EFCAB6: variants seen among roughly 807,000 people sequenced by gnomAD.
EFCAB6 encodes EF-hand calcium binding domain 6, also known as EF-hand calcium-binding domain-containing protein 6.
EFCAB6 carries 156 observed loss-of-function variants against 169.8 expected under a neutral mutation model. The observed-to-expected ratio is 0.92, with a 90% CI of 0.81 to 1.05. The LOEUF (loss-of-function observed/expected upper bound fraction) is 1.05. EFCAB6 is among the 50% of genes least tolerant of loss of function. The pLI, the probability that EFCAB6 is intolerant of heterozygous loss-of-function variation, is 0.00. For missense variants in EFCAB6, 1,800 were observed against 1,829.1 expected, an observed-to-expected ratio of 0.98 and a Z score of 0.29; for synonymous variants, 698 against 676.4, an observed-to-expected ratio of 1.03 and a Z score of -0.50.
At chr22:43,607,097 G>A (rs924181080) in intron 22 of EFCAB6, among the ~76,000 whole-genome samples, 4 of 152,108 alleles carry the variant, frequency 2.6e-5, no homozygotes, top group South Asian at 2.1e-4. Context: ...CATTGTTCCC[G>A]ACTGCCTGGT....
intron 27 of EFCAB6, among the ~76,000 whole-genome samples, chr22:43,549,538 T>TA (rs1232260972): frequency 6.6e-6 from 1 of 152,032 alleles, no homozygotes; most frequent in Non-Finnish European, 1.5e-5. Context: ...AATTAGCAGT[T>TA]AAAAAAAATC....
chr22:43,543,255 C>G (rs2047851451), intron 27 of EFCAB6, among the ~76,000 whole-genome samples: 1 of 152,186 alleles, frequency 6.6e-6, no homozygotes, highest in South Asian at 2.1e-4. Context: ...GTCAGTTCAT[C>G]TTTGAACAAA....
chr22:43,626,801 T>C, intron 19 of EFCAB6, 122 bp from the exon 20 acceptor site: 1 of 843,778 alleles, frequency 1.2e-6, no homozygotes, highest in Non-Finnish European at 1.9e-6. Flanking sequence ...GGGCCCCAAC[T>C]ATTGCTTTTA....
At chr22:43,751,512 C>T (rs1462213928) in intron 6 of EFCAB6, among the ~76,000 whole-genome samples, 1 of 152,232 alleles carries the variant, frequency 6.6e-6, no homozygotes, top group African/African-American at 2.4e-5. Flanking sequence ...TCTGAGGTCT[C>T]GGGCGCTGCC....
In EFCAB6 at chr22:43,664,039, C is replaced by T. The variant is rs112758304; in HGVS notation, c.1983+3065G>A. Among the ~76,000 whole-genome samples the T allele has an allele frequency of 7.3e-3, 1,107 of 152,310 alleles. 13 individuals are homozygous for T. The highest frequency in any genetic ancestry group is 0.025 in the African/African-American group (1,044 of 41,560). On this transcript the variant is annotated intron_variant, in intron 17 of 31. Coordinates refer to ENST00000262726, the MANE Select transcript of EFCAB6 (RefSeq NM_022785.4). ...TGCCTTCAGGCAGCAGGGAGGTCTC[C>T]AAGAAGCCCGCAGATAGGCAAAAGG...
chr22:43,574,645 CA>C (rs11287560), intron 26 of EFCAB6, among the ~76,000 whole-genome samples: 54,519 of 138,444 alleles, frequency 0.39, 10,511 homozygotes, highest in East Asian at 0.76. Context: ...TTTAAAATGA[CA>C]AAAAAAAAAA....
Position 43,731,762 on chromosome 22 carries a change from C to T in EFCAB6, c.694G>A (p.Val232Met), listed in dbSNP as rs750960915. 12 of 1,603,156 alleles carry T rather than the reference C, an allele frequency of 7.5e-6. No individual in the cohort carries two copies. In the East Asian group the frequency reaches 1.6e-4, roughly 21 times the overall value. The change falls in exon 8 of 32, where the codon GTG becomes ATG. Residue 232 changes from valine (V) to methionine (M), a missense_variant. By Grantham distance (21) the Val-to-Met change is conservative (BLOSUM62 1). Transcript: ENST00000262726. ...IHKDTAVDYN[V>M]FLKNLSINND... ...TTTATGCTGAGATTCTTCAAAAACA[C>T]GTTGTAATCTACTGCAGTATCCTTG...
chr22:43,534,425 A>G (rs1206364634), intron 30 of EFCAB6, among the ~76,000 whole-genome samples: 1 of 152,198 alleles, frequency 6.6e-6, no homozygotes, highest in Non-Finnish European at 1.5e-5. Context: ...TAGTATCTTT[A>G]TAGCAGTGTG....
intron 6 of EFCAB6, among the ~76,000 whole-genome samples, chr22:43,741,737 T>C (rs2060377928): frequency 1.3e-5 from 2 of 152,170 alleles, no homozygotes; most frequent in African/African-American, 4.8e-5. Context: ...GTCCTGCCAC[T>C]GTCCACTCTG....
At chr22:43,697,504 T>C (rs1388605519) in intron 10 of EFCAB6, among the ~76,000 whole-genome samples, 3 of 152,044 alleles carry the variant, frequency 2.0e-5, no homozygotes, top group African/African-American at 4.8e-5. Flanking sequence ...ATGGTAGTTC[T>C]TTTTTTTCCT....
At chr22:43,667,909 G>T (rs1233674865) in intron 16 of EFCAB6, among the ~76,000 whole-genome samples, 1 of 152,076 alleles carries the variant, frequency 6.6e-6, no homozygotes, top group Non-Finnish European at 1.5e-5. Flanking sequence ...CCATATTTTT[G>T]GGGAAAAAAC....
intron 12 of EFCAB6, among the ~76,000 whole-genome samples, chr22:43,681,266 TG>T (rs1344913234): frequency 1.3e-5 from 2 of 152,250 alleles, no homozygotes; most frequent in Non-Finnish European, 2.9e-5. Flanking sequence ...ACATTGATTT[TG>T]GGGGAAGTTA....
chr22:43,785,270 T>C (rs2062034815), intron 2 of EFCAB6, among the ~76,000 whole-genome samples: 2 of 152,114 alleles, frequency 1.3e-5, no homozygotes, highest in Admixed American at 6.6e-5. Context: ...GTATAAACCA[T>C]ATCTTGGACC....
At chr22:43,811,449 A>G (rs572055340) in intron 1 of EFCAB6, among the ~76,000 whole-genome samples, 1 of 152,158 alleles carries the variant, frequency 6.6e-6, no homozygotes, top group African/African-American at 2.4e-5. Flanking sequence ...CAGGGGCAAG[A>G]CATCCTGAAA....
At chr22:43,723,747 T>G (rs1466861722) in intron 8 of EFCAB6, among the ~76,000 whole-genome samples, 2 of 152,220 alleles carry the variant, frequency 1.3e-5, no homozygotes, top group African/African-American at 4.8e-5. Flanking sequence ...TGGGCCCACG[T>G]GAGCCCCAGT....
In EFCAB6 at chr22:43,555,058, C is replaced by A; in HGVS notation, c.3459G>T (p.Pro1153=). ...CTGTGGCCTTGGGAGAGGTAGGCGG[C>A]GGGCCTTTGGGCATTTTCTCAGCCC... is the stretch of plus-strand genomic sequence containing the variant. ...DEWAEKMPKG[P]PPTSPKATAD... The change falls in exon 27 of 32, where the codon CCG becomes CCT. Residue 1153 remains proline (P), a synonymous_variant. Transcript: ENST00000262726. 6.2e-7 allele frequency: 1 copy of A among 1,614,174 alleles called. No homozygotes were observed.
Position 43,590,177 on chromosome 22 carries a change from C to T in EFCAB6, c.2929G>A (p.Asp977Asn). 2 of 1,614,106 alleles carry T rather than the reference C, an allele frequency of 1.2e-6. No homozygotes were observed. Among genetic ancestry groups the T allele is most frequent in the Non-Finnish European group, 1.7e-6 (2 of 1,180,004 alleles). ...GATATGTAGTTGGTTTTGGATTGATCAGTTTTGGTGAATGCTTTGCTGATA... is the reference window on the plus strand; with the variant it reads ...GATATGTAGTTGGTTTTGGATTGATTAGTTTTGGTGAATGCTTTGCTGATA... Reference protein sequence around the residue: ...QDISKAFTKTDQSKTNYISIC... With the variant: ...QDISKAFTKTNQSKTNYISIC... The change falls in exon 24 of 32, where the codon GAT (aspartate) becomes AAT (asparagine). Residue 977 changes from aspartate to asparagine, a missense_variant. By Grantham distance (23) the Asp-to-Asn change is conservative (BLOSUM62 1). Coordinates refer to ENST00000262726, the MANE Select transcript of EFCAB6 (RefSeq NM_022785.4).
Position 43,618,809 on chromosome 22 carries a change from C to T in EFCAB6, c.2466-2887G>A, listed in dbSNP as rs1602651398. Among the ~76,000 whole-genome samples, 4 of 152,288 alleles carry T rather than the reference C, an allele frequency of 2.6e-5. No individual in the cohort carries two copies. In the Middle Eastern group the frequency reaches 0.014, roughly 518 times the overall value. ...ACTTTTGTAATGGTGCCAACGATAG[C>T]AGTGGCCAAAACGTTAAAATTTTCT... On this transcript the variant is annotated intron_variant, in intron 20 of 31. Transcript: ENST00000262726.
At chr22:43,645,191 C>A (rs2056077110) in intron 17 of EFCAB6, among the ~76,000 whole-genome samples, 1 of 152,212 alleles carries the variant, frequency 6.6e-6, no homozygotes, top group Non-Finnish European at 1.5e-5. Flanking sequence ...TGCCAACCTC[C>A]CTTCCCAATA....
Sources: gnomAD v4.1 joint callset for allele counts (sites outside exome capture counted in the v4.1 genomes callset) on GRCh38, gnomAD v4.1.1 for gene constraint, MANE v1.5 for transcripts, NCBI Gene and HGNC (gene_info 2026-07-23, HGNC 2026-07-21) for gene names.